The following GPR158 variants were observed in gnomAD, a reference collection of about 807,000 sequenced individuals.
GPR158 encodes the protein metabotropic glycine receptor.
A neutral mutation model predicts 78.2 loss-of-function variants in GPR158; 30 were observed. The observed-to-expected ratio is 0.38, with a 90% CI of 0.29 to 0.52. The LOEUF (loss-of-function observed/expected upper bound fraction) is 0.52, where lower values mean the gene tolerates loss of function less well. GPR158 is among the 20% of genes least tolerant of loss of function. GPR158 has a pLI of 0.83. For missense variants in GPR158, 1,463 were observed against 1,523.5 expected (o/e 0.96, Z 0.66); for synonymous variants, 581 against 591.1 (o/e 0.98, Z 0.25).
intron 2 of GPR158, among the ~76,000 whole-genome samples, chr10:25,306,083 T>G (rs2130455224): frequency 6.6e-6 from 1 of 152,320 alleles, no homozygotes; most frequent in East Asian, 1.9e-4. Flanking sequence ...TGTACAGTTG[T>G]TGGCTCCCAA....
At chr10:25,534,243 T>C (rs1836461566) in intron 5 of GPR158, among the ~76,000 whole-genome samples, 1 of 152,134 alleles carries the variant, frequency 6.6e-6, no homozygotes, top group Non-Finnish European at 1.5e-5. Context: ...TCATTTAGGG[T>C]TTCCAAAAGT....
intron 2 of GPR158, among the ~76,000 whole-genome samples, chr10:25,328,653 G>A (rs748519473): frequency 3.3e-5 from 5 of 151,906 alleles, no homozygotes; most frequent in African/African-American, 7.3e-5. Flanking sequence ...TTGGCCGGGC[G>A]TGGTACCTCA....
At chr10:25,184,387 G>A (rs888013588) in intron 1 of GPR158, among the ~76,000 whole-genome samples, 3 of 151,994 alleles carry the variant, frequency 2.0e-5, no homozygotes, top group Admixed American at 2.0e-4. Flanking sequence ...GTAGAGACAC[G>A]GTCTTACCTT....
At chr10:25,566,298 A>T (rs1003746217) in intron 6 of GPR158, among the ~76,000 whole-genome samples, 4 of 152,158 alleles carry the variant, frequency 2.6e-5, no homozygotes, top group African/African-American at 9.7e-5. Flanking sequence ...AGAAAACCAC[A>T]TACACAGATC....
chr10:25,210,984 T>C (rs1317906341), intron 1 of GPR158, among the ~76,000 whole-genome samples: 1 of 151,082 alleles, frequency 6.6e-6, no homozygotes, highest in Admixed American at 6.6e-5. Context: ...ATACAAAAAA[T>C]AGCGGGGTGT....
chr10:25,420,369 C>T (rs1045877766), intron 4 of GPR158, among the ~76,000 whole-genome samples: 2 of 152,052 alleles, frequency 1.3e-5, no homozygotes, highest in Admixed American at 6.6e-5. Context: ...CCGAGACTGG[C>T]CTCGAACTCC....
chr10:25,405,498 CTTTTTTTTTTTTTT>C (rs59695469), intron 3 of GPR158, among the ~76,000 whole-genome samples: 3 of 45,524 alleles, frequency 6.6e-5, no homozygotes, highest in Non-Finnish European at 1.3e-4. Flanking sequence ...AAACAATTTC[CTTTTTTTTTTTTTT>C]TTTTTTTTTT....
intron 3 of GPR158, among the ~76,000 whole-genome samples, chr10:25,400,967 A>G (rs979449295): frequency 2.0e-5 from 3 of 152,182 alleles, no homozygotes; most frequent in Non-Finnish European, 2.9e-5. Flanking sequence ...GTTCTGGAAG[A>G]AAAAGAAGGG....
chr10:25,393,323 C>G (rs1834326192), intron 2 of GPR158, among the ~76,000 whole-genome samples: 4 of 152,108 alleles, frequency 2.6e-5, no homozygotes, highest in Admixed American at 2.6e-4. Flanking sequence ...TAGCATTAAC[C>G]TCTGAATTTC....
intron 5 of GPR158, among the ~76,000 whole-genome samples, chr10:25,503,342 A>G (rs924775508): frequency 1.3e-5 from 2 of 149,294 alleles, no homozygotes; most frequent in African/African-American, 4.9e-5. Flanking sequence ...ATGCCACTGC[A>G]CTCCTATCTG....
At chr10:25,502,498 T>C (rs191216457) in intron 5 of GPR158, among the ~76,000 whole-genome samples, 99 of 152,294 alleles carry the variant, frequency 6.5e-4, no homozygotes, top group Non-Finnish European at 2.5e-4. Context: ...GGGACCACTT[T>C]GCAGCCCAGT....
At chr10:25,495,709 A>T (rs1283187197) in intron 5 of GPR158, among the ~76,000 whole-genome samples, 7 of 152,056 alleles carry the variant, frequency 4.6e-5, no homozygotes, top group Non-Finnish European at 1.0e-4. Flanking sequence ...TATGGGTTTT[A>T]TCTCCATCTA....
At chr10:25,540,639 G>GT (rs1836566473) in intron 5 of GPR158, among the ~76,000 whole-genome samples, 1 of 151,924 alleles carries the variant, frequency 6.6e-6, no homozygotes, top group Non-Finnish European at 1.5e-5. Flanking sequence ...CATGTCCTTT[G>GT]TAGGGACATG....
At chr10:25,312,475 C>G (rs984784408) in intron 2 of GPR158, among the ~76,000 whole-genome samples, 2 of 151,926 alleles carry the variant, frequency 1.3e-5, no homozygotes, top group South Asian at 2.1e-4. Flanking sequence ...AGTTGTTTTC[C>G]GTGAAGTAGA....
chr10:25,190,165 T>G (rs1441198791), intron 1 of GPR158, among the ~76,000 whole-genome samples: 4 of 152,134 alleles, frequency 2.6e-5, no homozygotes, highest in Non-Finnish European at 5.9e-5. Context: ...GAACTTTATT[T>G]CAGCTTATCC....
At chr10:25,493,712 A>G (rs1835841796) in intron 5 of GPR158, among the ~76,000 whole-genome samples, 1 of 152,212 alleles carries the variant, frequency 6.6e-6, no homozygotes, top group South Asian at 2.1e-4. Context: ...AAATTAAGCA[A>G]ACAAAGTTAA....
intron 6 of GPR158, among the ~76,000 whole-genome samples, chr10:25,564,499 AC>A (rs1265805503): frequency 1.3e-5 from 2 of 152,328 alleles, no homozygotes; most frequent in East Asian, 3.9e-4. Flanking sequence ...GATAAATGAC[AC>A]CCGTTAGCTT....
At chr10:25,408,158 G>T (rs984690390) in intron 3 of GPR158, among the ~76,000 whole-genome samples, 1 of 152,184 alleles carries the variant, frequency 6.6e-6, no homozygotes, top group African/African-American at 2.4e-5. Context: ...GTGAAAAAAG[G>T]TCAGCCTATT....
chr10:25,329,163 G>A (rs997664866), intron 2 of GPR158, among the ~76,000 whole-genome samples: 8 of 151,934 alleles, frequency 5.3e-5, no homozygotes, highest in Non-Finnish European at 7.4e-5. Flanking sequence ...TAGGCCAGGC[G>A]CGGTGGCTCA....
Sources: allele counts gnomAD v4.1 joint callset (sites outside exome capture counted in the v4.1 genomes callset), GRCh38; gene constraint gnomAD v4.1.1; transcripts MANE v1.5; gene names NCBI Gene and HGNC (gene_info 2026-07-23, HGNC 2026-07-21).